The following KLKB1 variants were observed in gnomAD, a reference collection of about 807,000 sequenced individuals.
The protein encoded by KLKB1 is plasma kallikrein.
Under a neutral mutation model 73.6 loss-of-function variants are expected in KLKB1, and 58 were observed. The ratio of observed to expected loss-of-function variants is 0.79; its 90% confidence interval spans 0.64 to 0.98. KLKB1 has a LOEUF of 0.98. Ranked by LOEUF, KLKB1 falls within the 50% of genes least tolerant of loss-of-function variation. The pLI, the probability that KLKB1 is intolerant of heterozygous loss-of-function variation, is 0.00. For missense variants in KLKB1, 737 were observed against 763.8 expected, an observed-to-expected ratio of 0.96 and a Z score of 0.41; for synonymous variants, 280 against 258.1, an observed-to-expected ratio of 1.08 and a Z score of -0.81.
rs1278894925 is a variant in KLKB1, at chr4:186,238,207, T to G, written c.489-49T>G. The G allele has an allele frequency of 7.7e-6, 9 of 1,172,708 alleles. No homozygotes were observed. The Admixed American group carries it at 1.5e-4, about 20-fold the overall frequency. 72.6% of individuals were successfully genotyped at this position (1,172,708 alleles called of 1,614,324 possible). Reference sequence around the variant, plus strand: ...ACTAACTGTTACCTGCACTGCTCCCTGCCCCTCAAAGTGCAGAAAGCAAAG... The same window carrying G: ...ACTAACTGTTACCTGCACTGCTCCCGGCCCCTCAAAGTGCAGAAAGCAAAG... On this transcript the variant is annotated intron_variant, in intron 5 of 14. Transcript: ENST00000264690.
chr4:186,234,830 T>G (rs1390985472), intron 4 of KLKB1, among the ~76,000 whole-genome samples: 1 of 152,204 alleles, frequency 6.6e-6, no homozygotes, highest in Non-Finnish European at 1.5e-5. Context: ...CAAACATGAC[T>G]GGGACTGATA....
chr4:186,256,207 CTATT>C lies in KLKB1; in HGVS notation c.1585+125_1585+128del, dbSNP rs1283711388. ...TATCTAAACTCTTTATCTTTCCTAT[CTATT>C]TATTCCCAAATATTTATTCAGTTAT... is the stretch of plus-strand genomic sequence containing the variant. On this transcript the variant is annotated intron_variant, in intron 13 of 14. Coordinates refer to ENST00000264690, the MANE Select transcript of KLKB1 (RefSeq NM_000892.5). The C allele has an allele frequency of 4.2e-6, 3 of 713,874 alleles. No individual in the cohort carries two copies. In the East Asian group the frequency reaches 8.1e-5, roughly 19 times the overall value. 44.2% of individuals were successfully genotyped at this position (713,874 alleles called of 1,614,324 possible). A position where few individuals can be genotyped will look rare whatever the true frequency, so the allele number is the denominator to read the frequency against.
At chr4:186,257,493 A>T (rs1398027098) in intron 14 of KLKB1, 128 bp downstream of exon 14, 1 of 665,698 alleles carries the variant, frequency 1.5e-6, no homozygotes, top group African/African-American at 1.9e-5. Flanking sequence ...TGATAAATTG[A>T]TAAGCAACTT....
chr4:186,251,073 C>T (rs1738644760), intron 7 of KLKB1, 146 bp from the exon 8 acceptor site: 1 of 635,584 alleles, frequency 1.6e-6, no homozygotes, highest in East Asian at 2.7e-5. Context: ...TATTAGAGTC[C>T]TGTAGTTGGA....
chr4:186,236,648 C>T, intron 4 of KLKB1, 133 bp from the exon 5 acceptor site: 3 of 739,576 alleles, frequency 4.1e-6, no homozygotes, highest in South Asian at 1.6e-5. Flanking sequence ...ATTTTAAATC[C>T]CTTAGTTAAT....
chr4:186,245,027 G>A (rs1249829017), intron 6 of KLKB1, among the ~76,000 whole-genome samples: 1 of 152,146 alleles, frequency 6.6e-6, no homozygotes, highest in Non-Finnish European at 1.5e-5. Context: ...GCATTGAGGT[G>A]TGGCTGTGGC....
At chr4:186,254,879 T>A (rs1179671421) in intron 12 of KLKB1, 116 bp downstream of exon 12, 1 of 891,640 alleles carries the variant, frequency 1.1e-6, no homozygotes, top group African/African-American at 1.7e-5. Flanking sequence ...ACTGGTGGAG[T>A]TGAGGGAAAC....
chr4:186,256,987 G>GTC (rs59372724), intron 13 of KLKB1, among the ~76,000 whole-genome samples: 1 of 148,496 alleles, frequency 6.7e-6, no homozygotes, highest in Non-Finnish European at 1.5e-5. Flanking sequence ...TCCTCTCTCT[G>GTC]TCTCTCTCTC....
intron 6 of KLKB1, among the ~76,000 whole-genome samples, chr4:186,247,499 C>T (rs1020984297): frequency 2.6e-5 from 4 of 152,088 alleles, no homozygotes; most frequent in South Asian, 2.1e-4. Flanking sequence ...AGGCAGGAAC[C>T]GGCCATTTTC....
upstream of KLKB1, among the ~76,000 whole-genome samples, chr4:186,223,388 A>T (rs1737071894): frequency 6.6e-6 from 1 of 152,150 alleles, no homozygotes; most frequent in Non-Finnish European, 1.5e-5. Context: ...CTTCCTAGAG[A>T]CTTGTTGAAT....
chr4:186,254,885 G>T, intron 12 of KLKB1, 122 bp downstream of exon 12: 1 of 816,126 alleles, frequency 1.2e-6, no homozygotes, highest in Admixed American at 2.4e-5. Flanking sequence ...GGAGTTGAGG[G>T]AAACGTGAGG....
chr4:186,217,625 A>G (rs1472206050), intron 2 of KLKB1, among the ~76,000 whole-genome samples: 1 of 152,190 alleles, frequency 6.6e-6, no homozygotes, highest in Non-Finnish European at 1.5e-5. Flanking sequence ...AACAAAGGAG[A>G]TTTAGTGGGC....
intron 2 of KLKB1, among the ~76,000 whole-genome samples, chr4:186,220,004 A>G (rs1485666249): frequency 6.6e-6 from 1 of 152,094 alleles, no homozygotes; most frequent in Non-Finnish European, 1.5e-5. Context: ...AAGGATCTCA[A>G]AGTGTCCAGG....
intron 2 of KLKB1, among the ~76,000 whole-genome samples, chr4:186,219,266 C>T (rs566008510): frequency 3.6e-4 from 55 of 152,136 alleles, no homozygotes; most frequent in African/African-American, 1.3e-3. Context: ...CCAGTCAAGC[C>T]GACACTCAAT....
intron 4 of KLKB1, among the ~76,000 whole-genome samples, chr4:186,235,910 T>C (rs1737642619): frequency 1.3e-5 from 2 of 151,052 alleles, no homozygotes; most frequent in Non-Finnish European, 2.9e-5. Context: ...GGTCAGGAGA[T>C]CGAGACCATC....
intron 4 of KLKB1, among the ~76,000 whole-genome samples, chr4:186,236,075 C>T (rs994763850): frequency 4.8e-5 from 7 of 146,320 alleles, no homozygotes; most frequent in African/African-American, 1.8e-4. Flanking sequence ...GATCGCGCCA[C>T]TGCGCTCCAG....
intron 2 of KLKB1, chr4:186,211,272 A>C (rs1297410037): frequency 6.6e-6 from 1 of 152,220 alleles, no homozygotes; most frequent in African/African-American, 2.4e-5. Flanking sequence ...ATTCCACTTC[A>C]ATTGATAGAC....
intron 4 of KLKB1, among the ~76,000 whole-genome samples, chr4:186,236,038 C>CT (rs1406495797): frequency 1.3e-5 from 2 of 148,702 alleles, no homozygotes; most frequent in African/African-American, 2.5e-5. Context: ...GGCGTGAACC[C>CT]GGGAGGCGGA....
chr4:186,258,297 G>A lies in KLKB1; in HGVS notation c.*85G>A, dbSNP rs1011746605. On this transcript the variant is annotated 3_prime_UTR_variant, in exon 15 of 15. Coordinates refer to ENST00000264690, the MANE Select transcript of KLKB1 (RefSeq NM_000892.5). The stretch of plus-strand genomic sequence containing the variant: ...GGGGGGTCCTCATCTGCAAAGCATG[G>A]AGAGTGGCATCTTCTTTGCATCCTA... 2.7e-6 allele frequency: 3 copies of A among 1,118,312 alleles called. No individual in the cohort carries two copies. Among genetic ancestry groups the A allele is most frequent in the African/African-American group, 3.1e-5 (2 of 64,702 alleles). The allele number at this position is 1,118,312 out of a possible 1,614,324, so 69.3% of individuals were successfully genotyped here.
Sources: gnomAD v4.1 joint callset for allele counts (sites outside exome capture counted in the v4.1 genomes callset) on GRCh38, gnomAD v4.1.1 for gene constraint, MANE v1.5 for transcripts, NCBI Gene and HGNC (gene_info 2026-07-23, HGNC 2026-07-21) for gene names.